Variants in MTX2 observed in about 807,000 individuals in gnomAD.
MTX2 encodes the protein metaxin 2.
MTX2 carries 35 observed loss-of-function variants against 42.3 expected under a neutral mutation model. The ratio of observed to expected loss-of-function variants is 0.83; its 90% CI spans 0.63 to 1.10. MTX2 has a LOEUF of 1.10. Ranked by LOEUF, MTX2 falls within the 50% of genes least tolerant of loss-of-function variation. MTX2 has a pLI of 0.00. For synonymous variants in MTX2, 119 were observed against 100.9 expected (o/e 1.18, Z -1.08); for missense variants, 307 against 304.1 (o/e 1.01, Z -0.07).
At chr2:176,304,105 G>T (rs1478638142) in intron 3 of MTX2, 3 of 154,254 alleles carry the variant, frequency 1.9e-5, no homozygotes, top group African/African-American at 7.2e-5. Flanking sequence ...CATTATATTT[G>T]AGCTGAAAAT....
chr2:176,283,882 A>T (rs969385624), intron 1 of MTX2, among the ~76,000 whole-genome samples: 1 of 152,018 alleles, frequency 6.6e-6, no homozygotes, highest in Non-Finnish European at 1.5e-5. Flanking sequence ...TTTTACTCTT[A>T]ACCAGCTGTT....
chr2:176,308,981 G>T lies in MTX2; in HGVS notation c.135+11086G>T, dbSNP rs190788075. ...CTTCTCTAGTTCTTTTAATTGTGAT[G>T]TTAGGGTGTCGATTTTAGAACTTTC... is the stretch of plus-strand genomic sequence containing the variant. On this transcript the variant is annotated intron_variant, in intron 3 of 9. Transcript: ENST00000249442. Among the ~76,000 whole-genome samples the T allele has an allele frequency of 3.2e-3, 480 of 152,256 alleles. 3 individuals are homozygous for T. Among genetic ancestry groups the T allele is most frequent in the African/African-American group, 0.011 (448 of 41,544 alleles).
chr2:176,321,663 AG>A (rs906999029), intron 3 of MTX2, among the ~76,000 whole-genome samples: 4 of 152,166 alleles, frequency 2.6e-5, no homozygotes, highest in African/African-American at 9.7e-5. Context: ...TCTAGTCAAC[AG>A]GGAGGAAAAA....
intron 1 of MTX2, among the ~76,000 whole-genome samples, chr2:176,285,437 T>C (rs1475749220): frequency 1.4e-5 from 2 of 144,216 alleles, no homozygotes; most frequent in Non-Finnish European, 3.1e-5. Flanking sequence ...TTTTTTTTTT[T>C]AGTTTTCCAC....
intron 9 of MTX2, among the ~76,000 whole-genome samples, chr2:176,335,850 A>G (rs1318927879): frequency 1.3e-5 from 2 of 152,096 alleles, no homozygotes; most frequent in Non-Finnish European, 2.9e-5. Context: ...TCCACATTGA[A>G]GTGGAGATGT....
chr2:176,337,285 G>T (rs1210649227), intron 9 of MTX2, among the ~76,000 whole-genome samples: 1 of 151,952 alleles, frequency 6.6e-6, no homozygotes, highest in South Asian at 2.1e-4. Context: ...CAAACAGTCC[G>T]CCCACCTCAG....
intron 1 of MTX2, among the ~76,000 whole-genome samples, chr2:176,279,633 G>A (rs1037744085): frequency 1.3e-5 from 2 of 151,952 alleles, no homozygotes; most frequent in African/African-American, 4.8e-5. Flanking sequence ...TGTTATTACT[G>A]TTCATCGATT....
chr2:176,276,501 G>C (rs1201705850), intron 1 of MTX2, among the ~76,000 whole-genome samples: 1 of 152,120 alleles, frequency 6.6e-6, no homozygotes, highest in Non-Finnish European at 1.5e-5. Context: ...ATTGGAGTAA[G>C]AGCTGGAGTA....
chr2:176,328,913 G>T lies in MTX2; in HGVS notation c.417+1G>T. ...GTGTGATGAAGCTACAGTAGGGGAG[G>T]TGAGTGGTTCTGTAACATTTATCTT... On this transcript the variant is annotated splice_donor_variant, in intron 7 of 9. Coordinates refer to ENST00000249442, the MANE Select transcript of MTX2 (RefSeq NM_006554.5). LOFTEE classifies it high-confidence loss of function. 1 of 1,604,920 alleles carries T rather than the reference G, an allele frequency of 6.2e-7. No homozygotes were observed. The highest frequency in any genetic ancestry group is 8.5e-7 in the Non-Finnish European group (1 of 1,173,662).
intron 8 of MTX2, 87 bp downstream of exon 8, chr2:176,329,513 T>G: frequency 1.6e-6 from 2 of 1,260,810 alleles, no homozygotes; most frequent in Non-Finnish European, 2.1e-6. Context: ...TAAAAAAATA[T>G]ATATAAGATT....
intron 3 of MTX2, chr2:176,304,485 C>A (rs1684097109): frequency 6.6e-6 from 1 of 151,998 alleles, no homozygotes; most frequent in South Asian, 2.1e-4. Flanking sequence ...TCTGTTGCGT[C>A]AAGAATGATA....
chr2:176,278,761 A>T (rs574721619), intron 1 of MTX2, among the ~76,000 whole-genome samples: 2 of 151,106 alleles, frequency 1.3e-5, no homozygotes, highest in East Asian at 1.9e-4. Flanking sequence ...CAGGCTTCTC[A>T]TTTTTTTTTC....
intron 1 of MTX2, 48 bp from the exon 2 acceptor site, chr2:176,296,812 A>T: frequency 6.3e-7 from 1 of 1,584,766 alleles, no homozygotes; most frequent in Non-Finnish European, 8.7e-7. Flanking sequence ...TTTGTTATTG[A>T]TATGTTTTTG....
chr2:176,277,848 A>G (rs577223057), intron 1 of MTX2, among the ~76,000 whole-genome samples: 2 of 152,216 alleles, frequency 1.3e-5, no homozygotes, highest in Non-Finnish European at 2.9e-5. Flanking sequence ...AAAAAAACAT[A>G]TTAGTCATAT....
intron 3 of MTX2, among the ~76,000 whole-genome samples, chr2:176,298,941 A>C (rs1046313952): frequency 6.6e-6 from 1 of 152,098 alleles, no homozygotes; most frequent in Admixed American, 6.6e-5. Flanking sequence ...TGGTTTCAGT[A>C]GGTTTACTGA....
intron 1 of MTX2, among the ~76,000 whole-genome samples, chr2:176,282,704 T>G (rs1034501759): frequency 1.7e-4 from 25 of 150,346 alleles, no homozygotes; most frequent in African/African-American, 6.1e-4. Context: ...CTACTTTTTT[T>G]TTTTTGTTTT....
chr2:176,323,828 C>T (rs988605398), intron 4 of MTX2, among the ~76,000 whole-genome samples: 2 of 151,644 alleles, frequency 1.3e-5, no homozygotes, highest in Non-Finnish European at 3.0e-5. Flanking sequence ...TATTATTCCA[C>T]ACATCTTTCT....
intron 1 of MTX2, among the ~76,000 whole-genome samples, chr2:176,282,531 CT>C (rs1214748554): frequency 6.6e-6 from 1 of 152,026 alleles, no homozygotes; most frequent in Non-Finnish European, 1.5e-5. Flanking sequence ...CAGATTTCAT[CT>C]CCTTTTGTGA....
intron 8 of MTX2, among the ~76,000 whole-genome samples, chr2:176,330,168 T>C (rs560623546): frequency 1.9e-4 from 28 of 151,056 alleles, no homozygotes; most frequent in African/African-American, 6.5e-4. Context: ...GGGTCAATGT[T>C]GTTACCTTTA....
Sources: gnomAD v4.1 joint callset for allele counts (sites outside exome capture counted in the v4.1 genomes callset) on GRCh38, gnomAD v4.1.1 for gene constraint, MANE v1.5 for transcripts, NCBI Gene and HGNC (gene_info 2026-07-23, HGNC 2026-07-21) for gene names.